The following HAO1 variants were observed in gnomAD, a reference collection of about 807,000 sequenced individuals.
HAO1 encodes the protein 2-Hydroxyacid oxidase 1.
A neutral mutation model predicts 39.7 loss-of-function variants in HAO1; 34 were observed. The observed-to-expected ratio is 0.86, with a 90% CI of 0.65 to 1.14. HAO1 has a LOEUF of 1.14. Among genes scored for constraint, HAO1 ranks in the 50% most tolerant of loss-of-function variants. HAO1 has a pLI of 0.00. For missense variants in HAO1, 479 were observed against 464.5 expected, an observed-to-expected ratio of 1.03 and a Z score of -0.29; for synonymous variants, 172 against 173.2, an observed-to-expected ratio of 0.99 and a Z score of 0.05.
intron 2 of HAO1, among the ~76,000 whole-genome samples, chr20:7,928,177 A>G (rs934735599): frequency 6.6e-6 from 1 of 152,210 alleles, no homozygotes; most frequent in African/African-American, 2.4e-5. Flanking sequence ...CCAAGAATGT[A>G]CTTTGAAAAA....
At chr20:7,928,495 CTTT>C (rs35798481) in intron 2 of HAO1, among the ~76,000 whole-genome samples, 5 of 140,322 alleles carry the variant, frequency 3.6e-5, no homozygotes, top group South Asian at 2.2e-4. Context: ...AAAGTTTTTT[CTTT>C]TTTTTTTTTT....
chr20:7,890,585 T>A (rs1970244781), intron 5 of HAO1, among the ~76,000 whole-genome samples: 2 of 152,108 alleles, frequency 1.3e-5, no homozygotes, highest in South Asian at 4.1e-4. Context: ...GGGGTACAGG[T>A]GGTATTTGGT....
At position 7,903,330 on chromosome 20, in the gene HAO1, T is replaced by C. The variant is rs375768853; in HGVS notation, c.721+2824A>G. Among the ~76,000 whole-genome samples the C allele has an allele frequency of 3.9e-3, 590 of 152,148 alleles. 2 individuals are homozygous for C. Among genetic ancestry groups the C allele is most frequent in the Middle Eastern group, 0.014 (4 of 294 alleles). On this transcript the variant is annotated intron_variant, in intron 4 of 7. Transcript: ENST00000378789. Reference sequence around the variant, plus strand: ...TGAGCTTTCTCTAATTAGATAGACTTATAGTTTTCATCAAGAAGTTCAGTA... The same window carrying C: ...TGAGCTTTCTCTAATTAGATAGACTCATAGTTTTCATCAAGAAGTTCAGTA...
At chr20:7,888,172 A>G (rs1314142208) in intron 5 of HAO1, among the ~76,000 whole-genome samples, 1 of 152,102 alleles carries the variant, frequency 6.6e-6, no homozygotes, top group Non-Finnish European at 1.5e-5. Context: ...TCATCCCTCT[A>G]TTCACTGTTT....
intron 2 of HAO1, among the ~76,000 whole-genome samples, chr20:7,915,967 T>C (rs912715139): frequency 1.2e-4 from 18 of 152,224 alleles, no homozygotes; most frequent in African/African-American, 4.1e-4. Flanking sequence ...TTACCATTTA[T>C]GTTGTCTTTT....
intron 7 of HAO1, 135 bp from the exon 8 acceptor site, chr20:7,883,798 G>T (rs1362164138): frequency 4.1e-6 from 3 of 726,090 alleles, no homozygotes; most frequent in South Asian, 1.5e-5. Flanking sequence ...ATCTTATGTG[G>T]CATGAGACCA....
At chr20:7,938,354 C>A (rs1399203158) in intron 1 of HAO1, among the ~76,000 whole-genome samples, 2 of 150,266 alleles carry the variant, frequency 1.3e-5, no homozygotes, top group African/African-American at 4.9e-5. Flanking sequence ...ATAGCATCAG[C>A]TGTCCTCCAA....
intron 3 of HAO1, among the ~76,000 whole-genome samples, chr20:7,906,803 T>G (rs6117997): frequency 0.016 from 2,499 of 152,332 alleles, 70 homozygotes; most frequent in African/African-American, 0.057. Context: ...TACTCTATGA[T>G]TCCCATAGAA....
intron 5 of HAO1, among the ~76,000 whole-genome samples, chr20:7,893,557 T>G (rs2050183669): frequency 6.6e-6 from 1 of 152,178 alleles, no homozygotes; most frequent in African/African-American, 2.4e-5. Context: ...TGAGATGTTT[T>G]GCAGACCCTG....
chr20:7,935,667 T>A (rs567207118), intron 1 of HAO1, among the ~76,000 whole-genome samples: 2 of 152,350 alleles, frequency 1.3e-5, no homozygotes, highest in South Asian at 4.1e-4. Flanking sequence ...TTTAAATGAA[T>A]GTTTCTGTGA....
At chr20:7,928,743 G>A (rs2050372615) in intron 2 of HAO1, among the ~76,000 whole-genome samples, 2 of 152,088 alleles carry the variant, frequency 1.3e-5, no homozygotes, top group African/African-American at 2.4e-5. Context: ...CTAGTTCTCG[G>A]TAAATTTCCA....
chr20:7,913,964 C>T (rs2050293486), intron 3 of HAO1, among the ~76,000 whole-genome samples, 200 bp downstream of exon 3: 1 of 152,142 alleles, frequency 6.6e-6, no homozygotes, highest in Non-Finnish European at 1.5e-5. Flanking sequence ...GCACTCTGGT[C>T]TGAAAATTTA....
At chr20:7,913,190 A>G (rs1021225886) in intron 3 of HAO1, among the ~76,000 whole-genome samples, 20 of 148,686 alleles carry the variant, frequency 1.3e-4, no homozygotes, top group African/African-American at 5.0e-4. Flanking sequence ...TTTTTTCCAA[A>G]TACAATTCAA....
At chr20:7,937,482 C>A (rs1266045324) in intron 1 of HAO1, among the ~76,000 whole-genome samples, 1 of 151,972 alleles carries the variant, frequency 6.6e-6, no homozygotes, top group Non-Finnish European at 1.5e-5. Flanking sequence ...CATATCACTT[C>A]TCAAATATTA....
Position 7,906,246 on chromosome 20 carries a change from G to T in HAO1, c.629C>A (p.Ala210Asp). Residue 210 changes from alanine (A) to aspartate (D), a missense_variant, in exon 4 of 8, where the codon GCT (alanine) becomes GAT (aspartate). Ala to Asp is a moderately radical substitution (Grantham distance 126). Transcript: ENST00000378789. The part of the protein sequence containing the change: ...GDDSGLAAYV[A>D]KAIDPSISWE... ...GCTGATAGATGGGTCTATTGCTTTAGCCACATATGCAGCAAGTCCACTGTC... is the reference window on the plus strand; with the variant it reads ...GCTGATAGATGGGTCTATTGCTTTATCCACATATGCAGCAAGTCCACTGTC... 1 of 1,611,010 alleles carries T rather than the reference G, an allele frequency of 6.2e-7. No individual in the cohort carries two copies. Among genetic ancestry groups the T allele is most frequent in the Non-Finnish European group, 8.5e-7 (1 of 1,177,300 alleles).
At chr20:7,917,055 C>G (rs2017494) in intron 2 of HAO1, among the ~76,000 whole-genome samples, 11,033 of 152,158 alleles carry the variant, frequency 0.073, 538 homozygotes, top group East Asian at 0.2. Flanking sequence ...TAAATTATGT[C>G]CTGGCCAGGG....
chr20:7,910,505 C>A (rs2050274248), intron 3 of HAO1, among the ~76,000 whole-genome samples: 1 of 152,098 alleles, frequency 6.6e-6, no homozygotes, highest in Non-Finnish European at 1.5e-5. Context: ...CTAGGGGAAG[C>A]CCTATTCCCT....
intron 3 of HAO1, among the ~76,000 whole-genome samples, chr20:7,912,145 G>T (rs926833048): frequency 6.6e-6 from 1 of 152,144 alleles, no homozygotes; most frequent in Non-Finnish European, 1.5e-5. Context: ...CTAGGAAGCC[G>T]CAGCCAGTTC....
At chr20:7,884,432 G>T (rs1403574271) in intron 7 of HAO1, among the ~76,000 whole-genome samples, 1 of 152,118 alleles carries the variant, frequency 6.6e-6, no homozygotes, top group African/African-American at 2.4e-5. Context: ...AAGAAAACTG[G>T]AAAAGAAAAC....
Sources: gnomAD v4.1 joint callset for allele counts (sites outside exome capture counted in the v4.1 genomes callset) on GRCh38, gnomAD v4.1.1 for gene constraint, MANE v1.5 for transcripts, NCBI Gene and HGNC (gene_info 2026-07-23, HGNC 2026-07-21) for gene names.